Variants in STARD10 observed in about 807,000 individuals in gnomAD.
The protein encoded by STARD10 is START domain-containing protein 10.
A neutral mutation model predicts 36.0 loss-of-function variants in STARD10; 24 were observed. That is an observed-to-expected ratio of 0.67 (90% CI 0.48 to 0.94). The LOEUF is 0.94. Among genes scored for constraint, STARD10 ranks in the 40% least tolerant of loss-of-function variants. STARD10 has a pLI of 0.00. For synonymous variants in STARD10, 156 were observed against 161.9 expected (o/e 0.96, Z 0.28); for missense variants, 335 against 396.6 (o/e 0.84, Z 1.32).
intron 2 of STARD10, 164 bp downstream of exon 2, chr11:72,780,810 TG>T: frequency 1.4e-6 from 1 of 718,892 alleles, no homozygotes; most frequent in South Asian, 1.7e-5. Context: ...ATCTGTGTGA[TG>T]GGGCTTGGCC....
chr11:72,766,331 G>A (rs1259086253), intron 2 of STARD10, among the ~76,000 whole-genome samples: 3 of 152,110 alleles, frequency 2.0e-5, no homozygotes, highest in Non-Finnish European at 2.9e-5. Context: ...GGAGACCGGC[G>A]GTGAACCAGA....
intron 5 of STARD10, 122 bp from the exon 6 acceptor site, chr11:72,755,875 G>A: frequency 1.1e-6 from 1 of 880,018 alleles, no homozygotes; most frequent in Non-Finnish European, 1.7e-6. Context: ...AGGAGGAGGT[G>A]TGTGAGGCAA....
intron 3 of STARD10, 109 bp downstream of exon 3, chr11:72,759,125 G>T: frequency 4.4e-6 from 6 of 1,367,566 alleles, no homozygotes; most frequent in Non-Finnish European, 6.0e-6. Context: ...AAGTCTCCGA[G>T]CAGCTTGGTC....
chr11:72,765,849 C>T (rs1480814495), intron 2 of STARD10, among the ~76,000 whole-genome samples: 6 of 146,412 alleles, frequency 4.1e-5, no homozygotes, highest in Non-Finnish European at 5.9e-5. Flanking sequence ...GGTGTCGTGG[C>T]GCACACCTGT....
At chr11:72,780,365 C>A (rs1344953498) in intron 2 of STARD10, 1 of 428,982 alleles carries the variant, frequency 2.3e-6, no homozygotes, top group South Asian at 1.6e-5. Context: ...CCCCAGCCCA[C>A]CTGTAGCCTG....
intron 1 of STARD10, among the ~76,000 whole-genome samples, chr11:72,787,517 ATTCTCCTTCCGGAGGG>A (rs1261659277): frequency 6.6e-6 from 1 of 152,130 alleles, no homozygotes; most frequent in Non-Finnish European, 1.5e-5. Context: ...AACCAGGTGG[ATTCTCCTTCCGGAGGG>A]TTCCCAGGCC....
At position 72,781,502 on chromosome 11, in the gene STARD10, C is replaced by G. The variant is rs1246614128; in HGVS notation, c.-113-208G>C. ...GGGACTGCGTATGGGACGCGGTGGCCGGCGGGCGCCCGTCGGGACCCAGGG... is the reference window on the plus strand; with the variant it reads ...GGGACTGCGTATGGGACGCGGTGGCGGGCGGGCGCCCGTCGGGACCCAGGG... On this transcript the variant is annotated intron_variant, in intron 1 of 6. Coordinates refer to ENST00000334805, the MANE Select transcript of STARD10 (RefSeq NM_006645.3). The surrounding 1 kb of genome is among the most constrained non-coding windows in gnomAD (Gnocchi z 4.7). 6.6e-6 allele frequency among the ~76,000 whole-genome samples: 1 copy of G among 150,652 alleles called. No individual in the cohort carries two copies. Among genetic ancestry groups the G allele is most frequent in the Non-Finnish European group, 1.5e-5 (1 of 67,602 alleles).
At chr11:72,785,013 G>T (rs1424034298) in intron 1 of STARD10, among the ~76,000 whole-genome samples, 4 of 152,182 alleles carry the variant, frequency 2.6e-5, no homozygotes, top group Non-Finnish European at 5.9e-5. Context: ...ACTCAGGATT[G>T]ATCTAGACTC....
At position 72,754,898 on chromosome 11, in the gene STARD10, CAGGTGAGCG is replaced by C. The variant is rs747171292; in HGVS notation, c.866_874del (p.Ser289_Thr291del). ...TCCGTCCCTGAAGCGGTGCGGCGCT[CAGGTGAGCG>C]AGGTGTCGTCGTCGCTGCCCTCGCC... On this transcript the variant is annotated inframe_deletion, in exon 7 of 7. Transcript: ENST00000334805. 1 of 1,597,582 alleles carries C rather than the reference CAGGTGAGCG, an allele frequency of 6.3e-7. No individual in the cohort carries two copies. Among genetic ancestry groups the C allele is most frequent in the Admixed American group, 1.7e-5 (1 of 59,794 alleles).
chr11:72,776,441 T>G (rs1310983156), intron 2 of STARD10, among the ~76,000 whole-genome samples: 1 of 152,150 alleles, frequency 6.6e-6, no homozygotes, highest in African/African-American at 2.4e-5. Context: ...CAAAGTCACA[T>G]AGTGAGGACT....
At chr11:72,777,532 G>T (rs1858942221) in intron 2 of STARD10, among the ~76,000 whole-genome samples, 1 of 152,232 alleles carries the variant, frequency 6.6e-6, no homozygotes, top group African/African-American at 2.4e-5. Context: ...CTGAGTTCAG[G>T]CTCCAAGCTG....
At chr11:72,777,869 G>A (rs1236976988) in intron 2 of STARD10, among the ~76,000 whole-genome samples, 1 of 152,240 alleles carries the variant, frequency 6.6e-6, no homozygotes, top group Non-Finnish European at 1.5e-5. Flanking sequence ...GGGATCAGGA[G>A]CACGGGGCAT....
At chr11:72,782,873 G>A (rs1859023106) in intron 1 of STARD10, among the ~76,000 whole-genome samples, 1 of 152,176 alleles carries the variant, frequency 6.6e-6, no homozygotes, top group Non-Finnish European at 1.5e-5. Context: ...TCCTCTGGAT[G>A]AGCAACTAAC....
chr11:72,779,928 G>A (rs768400647), intron 2 of STARD10, among the ~76,000 whole-genome samples: 9 of 152,174 alleles, frequency 5.9e-5, no homozygotes, highest in Admixed American at 3.3e-4. Flanking sequence ...TCTTGGTAAG[G>A]GGCCAAGATA....
chr11:72,791,722 C>T (rs1859144895), intron 1 of STARD10, among the ~76,000 whole-genome samples: 1 of 151,616 alleles, frequency 6.6e-6, no homozygotes, highest in Non-Finnish European at 1.5e-5. Flanking sequence ...AAAAAGAGGT[C>T]CTTTTCCTTC....
At chr11:72,759,919 T>C (rs917871370) in intron 2 of STARD10, among the ~76,000 whole-genome samples, 10 of 152,180 alleles carry the variant, frequency 6.6e-5, no homozygotes, top group Non-Finnish European at 1.5e-4. Flanking sequence ...ATTTTTTTTT[T>C]CTTTTTTTGA....
At chr11:72,755,264 G>T in intron 6 of STARD10, 122 bp from the exon 7 acceptor site, 1 of 953,286 alleles carries the variant, frequency 1.0e-6, no homozygotes, top group Non-Finnish European at 1.5e-6. Context: ...TCACTCCTCA[G>T]CCCTACTTGC....
At chr11:72,759,486 C>T in intron 2 of STARD10, 105 bp from the exon 3 acceptor site, 2 of 1,388,136 alleles carry the variant, frequency 1.4e-6, no homozygotes, top group African/African-American at 1.4e-5. Flanking sequence ...AAGAGGACAG[C>T]AAAGAACAGG....
intron 2 of STARD10, among the ~76,000 whole-genome samples, chr11:72,765,039 G>A (rs536596659): frequency 3.9e-5 from 6 of 152,274 alleles, no homozygotes; most frequent in East Asian, 1.9e-4. Flanking sequence ...AGGCCGAGGC[G>A]GGCAGATCAC....
Sources: allele counts gnomAD v4.1 joint callset (sites outside exome capture counted in the v4.1 genomes callset), GRCh38; gene constraint gnomAD v4.1.1; non-coding constraint Gnocchi (gnomAD v3.1); transcripts MANE v1.5; gene names NCBI Gene and HGNC (gene_info 2026-07-23, HGNC 2026-07-21).